The following PPARGC1A variants were observed in gnomAD, a reference collection of about 807,000 sequenced individuals.
The protein encoded by PPARGC1A is peroxisome proliferator-activated receptor gamma coactivator 1-alpha.
Under a neutral mutation model 88.7 loss-of-function variants are expected in PPARGC1A, and 25 were observed. The observed-to-expected ratio is 0.28, with a 90% confidence interval of 0.21 to 0.39. The LOEUF is 0.39. Ranked by LOEUF, PPARGC1A falls within the 10% of genes least tolerant of loss-of-function variation. PPARGC1A has a pLI of 1.00. For synonymous variants in PPARGC1A, 363 were observed against 355.6 expected (o/e 1.02, Z -0.24); for missense variants, 880 against 968.7 (o/e 0.91, Z 1.22).
the PPARGC1A span, among the ~76,000 whole-genome samples, chr4:24,262,170 A>T: frequency 6.6e-6 from 1 of 151,588 alleles, no homozygotes; most frequent in Non-Finnish European, 1.5e-5. Context: ...GCAGTGGAGG[A>T]TAAAGTGCTT....
chr4:23,910,647 C>T, the PPARGC1A span, among the ~76,000 whole-genome samples: 2 of 150,454 alleles, frequency 1.3e-5, no homozygotes, highest in African/African-American at 2.5e-5. Context: ...ACCATATTGG[C>T]CATGCTGGTC....
At chr4:24,397,254 C>T in the PPARGC1A span, among the ~76,000 whole-genome samples, 5 of 152,030 alleles carry the variant, frequency 3.3e-5, no homozygotes, top group African/African-American at 1.2e-4. Context: ...ATAAATGAGG[C>T]CTCTGAGTCT....
In PPARGC1A at chr4:23,793,823, G is replaced by A. The variant is rs929933609; in HGVS notation, c.*1999C>T. 5.3e-5 allele frequency: 8 copies of A among 152,184 alleles called. No individual in the cohort carries two copies. The highest frequency in any genetic ancestry group is 7.4e-5 in the Non-Finnish European group (5 of 68,006). The allele number at this position is 152,184 out of a possible 1,614,324, so 9.4% of individuals were successfully genotyped here. On this transcript the variant is annotated 3_prime_UTR_variant, in exon 13 of 13. Transcript: ENST00000264867. The stretch of plus-strand genomic sequence containing the variant: ...TAGAAACACTGCTTCTGCAAAAGCT[G>A]AATTTCCCAAATGAAGCACTTACAC...
chr4:24,460,259 C>T, the PPARGC1A span, among the ~76,000 whole-genome samples: 1 of 152,146 alleles, frequency 6.6e-6, no homozygotes, highest in African/African-American at 2.4e-5. Flanking sequence ...ATTTATTTAA[C>T]ATCTACTTTA....
chr4:23,806,703 GATAA>G (rs1244241295), intron 10 of PPARGC1A, among the ~76,000 whole-genome samples: 1 of 152,206 alleles, frequency 6.6e-6, no homozygotes, highest in East Asian at 1.9e-4. Flanking sequence ...AAACGTGGGG[GATAA>G]ATAAAGAAAC....
the PPARGC1A span, among the ~76,000 whole-genome samples, chr4:24,446,588 T>C: frequency 6.7e-6 from 1 of 149,906 alleles, no homozygotes; most frequent in African/African-American, 2.4e-5. Flanking sequence ...TGGAAAACAC[T>C]GAATTTTTTT....
At chr4:23,955,130 T>A in the PPARGC1A span, among the ~76,000 whole-genome samples, 1 of 152,058 alleles carries the variant, frequency 6.6e-6, no homozygotes, top group South Asian at 2.1e-4. Context: ...CAAATCAAGG[T>A]CCAGGTATTA....
chr4:23,859,035 A>G (rs1454019835), intron 2 of PPARGC1A, among the ~76,000 whole-genome samples: 1 of 150,880 alleles, frequency 6.6e-6, no homozygotes, highest in Non-Finnish European at 1.5e-5. Flanking sequence ...AAATAAGTTT[A>G]TAAATATAAA....
the PPARGC1A span, among the ~76,000 whole-genome samples, chr4:23,989,911 AT>A: frequency 1.3e-5 from 2 of 150,284 alleles, no homozygotes; most frequent in African/African-American, 2.4e-5. Flanking sequence ...AACTGTTGAA[AT>A]TTTTTTTAAT....
At chr4:24,321,257 T>A in the PPARGC1A span, among the ~76,000 whole-genome samples, 1 of 152,296 alleles carries the variant, frequency 6.6e-6, no homozygotes, top group South Asian at 2.1e-4. Context: ...ACCTGGCTTT[T>A]AAAAACTAGG....
the PPARGC1A span, among the ~76,000 whole-genome samples, chr4:24,014,496 T>C: frequency 6.6e-6 from 1 of 152,170 alleles, no homozygotes; most frequent in Non-Finnish European, 1.5e-5. Flanking sequence ...GATGAGCATA[T>C]CATAGCTGAA....
chr4:24,113,403 T>C, the PPARGC1A span, among the ~76,000 whole-genome samples: 1 of 152,194 alleles, frequency 6.6e-6, no homozygotes, highest in African/African-American at 2.4e-5. Flanking sequence ...ATATTTACTG[T>C]GAACAAACTG....
the PPARGC1A span, among the ~76,000 whole-genome samples, chr4:24,466,974 GAAAGAAAGAAA>G: frequency 1.9e-3 from 193 of 99,454 alleles, no homozygotes; most frequent in African/African-American, 6.2e-3. Flanking sequence ...GAAAGAAAGA[GAAAGAAAGAAA>G]GGAGGGAGGG....
the PPARGC1A span, among the ~76,000 whole-genome samples, chr4:24,365,420 T>C: frequency 2.0e-5 from 3 of 152,280 alleles, no homozygotes; most frequent in African/African-American, 7.2e-5. Flanking sequence ...ATGGCAATGA[T>C]TGAGTAATTC....
At chr4:24,305,215 C>T in the PPARGC1A span, among the ~76,000 whole-genome samples, 2 of 145,642 alleles carry the variant, frequency 1.4e-5, no homozygotes, top group Admixed American at 6.9e-5. Flanking sequence ...GGTTTTTTTG[C>T]CATAATTTTC....
At chr4:24,418,580 A>C in the PPARGC1A span, among the ~76,000 whole-genome samples, 8 of 152,106 alleles carry the variant, frequency 5.3e-5, no homozygotes. Flanking sequence ...GAGCTTTTAA[A>C]GGTGTTAGAA....
At chr4:24,290,858 C>T in the PPARGC1A span, among the ~76,000 whole-genome samples, 1 of 152,216 alleles carries the variant, frequency 6.6e-6, no homozygotes, top group African/African-American at 2.4e-5. Context: ...TTAGAGTCAT[C>T]ATCTGCCTAA....
the PPARGC1A span, among the ~76,000 whole-genome samples, chr4:24,014,864 T>G: frequency 6.6e-6 from 1 of 152,192 alleles, no homozygotes; most frequent in East Asian, 1.9e-4. Flanking sequence ...ATCCATTCAC[T>G]TTTGCTTTAT....
At chr4:24,145,516 C>T in the PPARGC1A span, among the ~76,000 whole-genome samples, 2 of 152,156 alleles carry the variant, frequency 1.3e-5, no homozygotes, top group East Asian at 3.9e-4. Flanking sequence ...TTTTTGTTTT[C>T]TGTAAAACTC....
Sources: gnomAD v4.1 joint callset for allele counts (sites outside exome capture counted in the v4.1 genomes callset) on GRCh38, gnomAD v4.1.1 for gene constraint, MANE v1.5 for transcripts, NCBI Gene and HGNC (gene_info 2026-07-23, HGNC 2026-07-21) for gene names.